DNMT3A: variants seen among roughly 807,000 people sequenced by gnomAD.
The protein encoded by DNMT3A is DNA methyltransferase 3 alpha, also known as DNA (cytosine-5)-methyltransferase 3A.
A neutral mutation model predicts 117.6 loss-of-function variants in DNMT3A; 267 were observed. The observed-to-expected ratio is 2.27, with a 90% CI of 2.05 to 2.51. The LOEUF (loss-of-function observed/expected upper bound fraction) is 2.51, where lower values mean the gene tolerates loss of function less well. Among genes scored for constraint, DNMT3A ranks in the 30% most tolerant of loss-of-function variants. DNMT3A has a pLI of 0.00. For synonymous variants in DNMT3A, 432 were observed against 474.8 expected (o/e 0.91, Z 1.17); for missense variants, 1,029 against 1,260.2 (o/e 0.82, Z 2.78).
rs1229673837 is a variant in DNMT3A, at chr2:25,327,668, A to G, written c.-177-13507T>C. 6.6e-6 allele frequency among the ~76,000 whole-genome samples: 1 copy of G among 152,094 alleles called. No homozygotes were observed. The highest frequency in any genetic ancestry group is 1.5e-5 in the Non-Finnish European group (1 of 68,024). Reference sequence around the variant, plus strand: ...TCTCTCTAAATGCTCTTCCTCTAAGACACCTGGGCATAAGTTAACATACGC... The same window carrying G: ...TCTCTCTAAATGCTCTTCCTCTAAGGCACCTGGGCATAAGTTAACATACGC... On this transcript the variant is annotated intron_variant, in intron 1 of 22. Coordinates refer to ENST00000321117, the MANE Select transcript of DNMT3A (RefSeq NM_022552.5). This position sits in a 1 kb window ranked among gnomAD's most constrained non-coding sequence, Gnocchi z 4.1.
intron 6 of DNMT3A, among the ~76,000 whole-genome samples, chr2:25,273,747 G>A (rs1305587723): frequency 6.6e-6 from 1 of 152,018 alleles, no homozygotes; most frequent in Non-Finnish European, 1.5e-5. Flanking sequence ...TCTCTATAAA[G>A]TCACCAGCTC....
chr2:25,300,711 TAATATATATATATATATATATATATATA>T, intron 2 of DNMT3A, among the ~76,000 whole-genome samples: 1 of 42,052 alleles, frequency 2.4e-5, no homozygotes, highest in South Asian at 6.7e-4. Flanking sequence ...CTAAATAATA[TAATATATATATATATATATATATATATA>T]TATATATATA....
chr2:25,280,715 T>A (rs1490837539), intron 4 of DNMT3A, among the ~76,000 whole-genome samples: 1 of 152,190 alleles, frequency 6.6e-6, no homozygotes, highest in Non-Finnish European at 1.5e-5. Flanking sequence ...TTTTTGTTCA[T>A]AATAGTTTCC....
intron 1 of DNMT3A, among the ~76,000 whole-genome samples, chr2:25,332,756 G>A (rs1453675948): frequency 1.3e-5 from 2 of 152,260 alleles, no homozygotes; most frequent in African/African-American, 4.8e-5. Context: ...GTACCAGGCA[G>A]GGCCCTCAGG....
Position 25,237,069 on chromosome 2 carries a change from G to A in DNMT3A, c.2409-64C>T, listed in dbSNP as rs1673456507. The A allele has an allele frequency of 3.3e-6, 5 of 1,538,048 alleles. No homozygotes were observed. Among genetic ancestry groups the A allele is most frequent in the Non-Finnish European group, 4.4e-6 (5 of 1,123,794 alleles). ...GATAACAGCGGGAAGGGCCCCAGCT[G>A]CACGACTCCCCTCCCTCCCCCAGCA... On this transcript the variant is annotated intron_variant, in intron 20 of 22. Coordinates refer to ENST00000321117, the MANE Select transcript of DNMT3A (RefSeq NM_022552.5). The surrounding 1 kb of genome is among the most constrained non-coding windows in gnomAD (Gnocchi z 5.4).
chr2:25,301,302 T>C (rs1273203703), intron 2 of DNMT3A, among the ~76,000 whole-genome samples: 1 of 151,708 alleles, frequency 6.6e-6, no homozygotes, highest in Admixed American at 6.6e-5. Flanking sequence ...AAAAGAAATA[T>C]TAAATTTAGC....
chr2:25,275,140 C>T (rs1254231771), intron 5 of DNMT3A, 53 bp from the exon 6 acceptor site: 3 of 1,501,710 alleles, frequency 2.0e-6, no homozygotes, highest in East Asian at 2.5e-5. Flanking sequence ...GACGGACCCA[C>T]CAAGGAGGCA....
intron 3 of DNMT3A, among the ~76,000 whole-genome samples, chr2:25,290,478 C>T (rs1351640924): frequency 6.6e-6 from 1 of 152,188 alleles, no homozygotes; most frequent in Non-Finnish European, 1.5e-5. Flanking sequence ...TGTGCCACCA[C>T]ATCCAGCTAA....
At chr2:25,249,216 A>G (rs1453946249) in intron 6 of DNMT3A, among the ~76,000 whole-genome samples, 2 of 152,162 alleles carry the variant, frequency 1.3e-5, no homozygotes, top group East Asian at 3.8e-4. Flanking sequence ...ACATAGCAAG[A>G]CCCTGTCACC....
chr2:25,270,462 G>A (rs953368786), intron 6 of DNMT3A, among the ~76,000 whole-genome samples: 2 of 152,234 alleles, frequency 1.3e-5, no homozygotes, highest in Non-Finnish European at 2.9e-5. Flanking sequence ...CTCAGTAAAG[G>A]TGCCCTGAAT....
chr2:25,340,453 C>T (rs1332358243), intron 1 of DNMT3A, among the ~76,000 whole-genome samples: 3 of 151,968 alleles, frequency 2.0e-5, no homozygotes, highest in Non-Finnish European at 4.4e-5. Flanking sequence ...CGGGCCCCAG[C>T]GATGAGGGGC....
In DNMT3A at chr2:25,237,135, G is replaced by C. The variant is rs902776637; in HGVS notation, c.2409-130C>G. 1 of 801,408 alleles carries C rather than the reference G, an allele frequency of 1.2e-6. No homozygotes were observed. The highest frequency in any genetic ancestry group is 2.0e-6 in the Non-Finnish European group (1 of 499,884). 49.6% of individuals were successfully genotyped at this position (801,408 alleles called of 1,614,324 possible). A position where few individuals can be genotyped will look rare whatever the true frequency, so the allele number is the denominator to read the frequency against. On this transcript the variant is annotated intron_variant, in intron 20 of 22. Coordinates refer to ENST00000321117, the MANE Select transcript of DNMT3A (RefSeq NM_022552.5). The surrounding 1 kb of genome is among the most constrained non-coding windows in gnomAD (Gnocchi z 5.4). ...GGTAAGAGCCCCTTCCCCAAATCACGCACACACGTCATAACTCTCTTCAAA... is the reference window on the plus strand; with the variant it reads ...GGTAAGAGCCCCTTCCCCAAATCACCCACACACGTCATAACTCTCTTCAAA...
intron 1 of DNMT3A, among the ~76,000 whole-genome samples, chr2:25,333,942 C>T (rs1054008066): frequency 2.0e-5 from 3 of 152,328 alleles, no homozygotes; most frequent in African/African-American, 7.2e-5. Flanking sequence ...GTCGGCCTGA[C>T]TCCCGAACGC....
At chr2:25,249,751 A>G (rs1421789777) in intron 6 of DNMT3A, 2 of 1,613,356 alleles carry the variant, frequency 1.2e-6, no homozygotes, top group Admixed American at 1.7e-5. Context: ...AATCCTTGAT[A>G]CTTAGCTCTG....
chr2:25,275,206 A>C (rs1459035758), intron 5 of DNMT3A, 119 bp from the exon 6 acceptor site: 2 of 1,355,396 alleles, frequency 1.5e-6, no homozygotes, highest in Non-Finnish European at 2.0e-6. Context: ...CACCCCTGGG[A>C]GTGCTGGGCA....
chr2:25,317,301 A>C (rs2034422818), intron 1 of DNMT3A, among the ~76,000 whole-genome samples: 3 of 138,262 alleles, frequency 2.2e-5, no homozygotes, highest in African/African-American at 5.3e-5. Context: ...GCTTCAAAGG[A>C]TCCTCCCACC....
Position 25,333,522 on chromosome 2 carries a change from G to A in DNMT3A, c.-178+8304C>T, listed in dbSNP as rs550156147. On this transcript the variant is annotated intron_variant, in intron 1 of 22. Transcript: ENST00000321117. ...ATTTTTGTATTTTTAGTAGAGAGGT[G>A]GTTTCACCATGTTGGCCAGGCTGGT... Among the ~76,000 whole-genome samples, 10 of 152,248 alleles carry A rather than the reference G, an allele frequency of 6.6e-5. No homozygotes were observed. The South Asian group carries it at 2.1e-3, about 32-fold the overall frequency.
chr2:25,299,983 T>C (rs1214900592), intron 3 of DNMT3A, among the ~76,000 whole-genome samples, 156 bp downstream of exon 3: 1 of 152,062 alleles, frequency 6.6e-6, no homozygotes, highest in Non-Finnish European at 1.5e-5. Flanking sequence ...AGGGTGGGAT[T>C]TGAAGAATGG....
chr2:25,335,598 T>C (rs1412331097), intron 1 of DNMT3A, among the ~76,000 whole-genome samples: 1 of 152,226 alleles, frequency 6.6e-6, no homozygotes, highest in African/African-American at 2.4e-5. Context: ...AGCTGATCTA[T>C]CAGATCTCGA....
Sources: gnomAD v4.1 joint callset for allele counts (sites outside exome capture counted in the v4.1 genomes callset) on GRCh38, gnomAD v4.1.1 for gene constraint, Gnocchi (gnomAD v3.1) non-coding constraint, MANE v1.5 for transcripts, NCBI Gene and HGNC (gene_info 2026-07-23, HGNC 2026-07-21) for gene names.